The following MRGPRE variants were observed in gnomAD, a reference collection of about 807,000 sequenced individuals.
MRGPRE encodes MAS related GPR family member E.
For missense variants in MRGPRE, 466 were observed against 433.4 expected (o/e 1.08, Z -0.67); for synonymous variants, 229 against 206.7 (o/e 1.11, Z -0.92).
chr11:3,228,927 G>A, intron 1 of MRGPRE, 67 bp from the exon 2 acceptor site: 1 of 746,724 alleles, frequency 1.3e-6, no homozygotes, highest in East Asian at 2.7e-5. Flanking sequence ...CCACATCAGG[G>A]GAGATGAGAG....
rs1238567136 is a variant in MRGPRE at position 3,227,862 on chromosome 11, C to T, written c.938G>A (p.Ter313=). ...AGCTGGGGTCGGGGGCCCCAGGGCT[C>T]AGGCTGCTATGTCCACCAGGCCCCG... The part of the protein sequence containing the change: ...SRRGLVDIAA[*] The change falls in exon 2 of 2, where the codon TGA becomes TAA. Residue 313 remains the stop codon, a stop_retained_variant. Transcript: ENST00000389832. The T allele has an allele frequency of 6.9e-7, 1 of 1,442,836 alleles. No individual in the cohort carries two copies. The highest frequency in any genetic ancestry group is 9.1e-7 in the Non-Finnish European group (1 of 1,097,874). 89.4% of individuals were successfully genotyped at this position (1,442,836 alleles called of 1,614,324 possible).
Position 3,228,057 on chromosome 11 carries a change from T to G in MRGPRE, c.743A>C (p.His248Pro). 1 of 1,608,544 alleles carries G rather than the reference T, an allele frequency of 6.2e-7. No individual in the cohort carries two copies. The highest frequency in any genetic ancestry group is 8.5e-7 in the Non-Finnish European group (1 of 1,177,938). ...GAGGAAGCTGAAGTGGTAGAAGTAG[T>G]GGGGGATGTACCAGAGCAGGTTCCG... ...LSRNLLWYIPHYFYHFSFLMA... is the reference protein window; with the variant it reads ...LSRNLLWYIPPYFYHFSFLMA... Residue 248 changes from histidine (H) to proline (P), a missense_variant, in exon 2 of 2, where the codon CAC becomes CCC. Coordinates refer to ENST00000389832, the MANE Select transcript of MRGPRE (RefSeq NM_001039165.4).
In MRGPRE at chr11:3,226,648, A is replaced by G. The variant is rs1847764539; in HGVS notation, c.*1213T>C. Among the ~76,000 whole-genome samples, 1 of 152,242 alleles carries G rather than the reference A, an allele frequency of 6.6e-6. No homozygotes were observed. The highest frequency in any genetic ancestry group is 2.1e-4 in the South Asian group (1 of 4,832). ...CATGGTCCAGAGGGAATGTCCTTCC[A>G]TCACCAGCCATGGAGGCCGGAGTCA... On this transcript the variant is annotated 3_prime_UTR_variant, in exon 2 of 2. Coordinates refer to ENST00000389832, the MANE Select transcript of MRGPRE (RefSeq NM_001039165.4).
Position 3,228,745 on chromosome 11 carries a change from C to A in MRGPRE, c.55G>T (p.Glu19Ter). 1.2e-6 allele frequency: 2 copies of A among 1,613,378 alleles called. No homozygotes were observed. Among genetic ancestry groups the A allele is most frequent in the Non-Finnish European group, 1.7e-6 (2 of 1,179,712 alleles). Residue 19 changes from glutamate (E) to a stop codon, truncating the protein, a stop_gained, in exon 2 of 2, where the codon GAG becomes TAG. Coordinates refer to ENST00000389832, the MANE Select transcript of MRGPRE (RefSeq NM_001039165.4). LOFTEE classifies it low-confidence loss of function (END_TRUNC). ...ATGATGAGGTTGAAGGCCACATCCTCCTGGGCGCCGTTGGCGGCCCCCACG... is the reference window on the plus strand; with the variant it reads ...ATGATGAGGTTGAAGGCCACATCCTACTGGGCGCCGTTGGCGGCCCCCACG... ...QHVGAANGAQ[E>*]DVAFNLIILS...
rs536050287 is a variant in MRGPRE, at chr11:3,228,955, G to A, written c.-61-95C>T. 4 of 627,174 alleles carry A rather than the reference G, an allele frequency of 6.4e-6. No homozygotes were observed. In the South Asian group the frequency reaches 6.5e-5, roughly 10 times the overall value. The allele number at this position is 627,174 out of a possible 1,614,324, so 38.9% of individuals were successfully genotyped here. A position where few individuals can be genotyped will look rare whatever the true frequency, so the allele number is the denominator to read the frequency against. On this transcript the variant is annotated intron_variant, in intron 1 of 1. Coordinates refer to ENST00000389832, the MANE Select transcript of MRGPRE (RefSeq NM_001039165.4). ...GATGAGAGTTGGGTGGGTGACCAAGGGAATGGTGAGACCCTCCAGGAGAAG... is the reference window on the plus strand; with the variant it reads ...GATGAGAGTTGGGTGGGTGACCAAGAGAATGGTGAGACCCTCCAGGAGAAG...
chr11:3,229,903 T>G lies in MRGPRE; in HGVS notation c.-61-1043A>C, dbSNP rs748935721. ...GGCTGGGAGGGGCCCTGAGCTTCCATGGCGTCTCCAGCCTCCCTCCATCCC... is the reference window on the plus strand; with the variant it reads ...GGCTGGGAGGGGCCCTGAGCTTCCAGGGCGTCTCCAGCCTCCCTCCATCCC... On this transcript the variant is annotated intron_variant, in intron 1 of 1. Coordinates refer to ENST00000389832, the MANE Select transcript of MRGPRE (RefSeq NM_001039165.4). The surrounding 1 kb of genome is among the most constrained non-coding windows in gnomAD (Gnocchi z 4.4). 2.0e-5 allele frequency among the ~76,000 whole-genome samples: 3 copies of G among 152,134 alleles called. No homozygotes were observed. The highest frequency in any genetic ancestry group is 2.9e-5 in the Non-Finnish European group (2 of 67,996).
rs1294972483 is a variant in MRGPRE at position 3,229,834 on chromosome 11, C to T, written c.-61-974G>A. Among the ~76,000 whole-genome samples, 1 of 152,222 alleles carries T rather than the reference C, an allele frequency of 6.6e-6. No individual in the cohort carries two copies. Among genetic ancestry groups the T allele is most frequent in the Non-Finnish European group, 1.5e-5 (1 of 68,036 alleles). ...GAGGCTGCATCCTGCTCAACGTTGC[C>T]CGCCCTTTCCCCATGGGGAGAAGAG... On this transcript the variant is annotated intron_variant, in intron 1 of 1. Transcript: ENST00000389832. This position sits in a 1 kb window ranked among gnomAD's most constrained non-coding sequence, Gnocchi z 4.4.
Position 3,227,554 on chromosome 11 carries a change from A to C in MRGPRE, c.*307T>G. On this transcript the variant is annotated 3_prime_UTR_variant, in exon 2 of 2. Coordinates refer to ENST00000389832, the MANE Select transcript of MRGPRE (RefSeq NM_001039165.4). ...CACTGCAGCTGAGCAGGGAATGGGT[A>C]GCAGCAGCAGCTCTCGAGTGCCAGT... is the stretch of plus-strand genomic sequence containing the variant. 9.2e-6 allele frequency: 3 copies of C among 325,224 alleles called. No homozygotes were observed. Among genetic ancestry groups the C allele is most frequent in the Non-Finnish European group, 1.7e-5 (3 of 178,510 alleles). 20.1% of individuals were successfully genotyped at this position (325,224 alleles called of 1,614,324 possible).
Position 3,228,671 on chromosome 11 carries a change from C to G in MRGPRE, c.129G>C (p.Gly43=). Residue 43 remains glycine (G), a synonymous_variant, in exon 2 of 2, where the codon GGG becomes GGC. Transcript: ENST00000389832. ...GLGLGGLLGN[G]AVLWLLSSNV... ...TGGAGCTGAGCAGCCAGAGGACTGC[C>G]CCATTCCCCAGCAGCCCACCGAGGC... 3 of 1,613,898 alleles carry G rather than the reference C, an allele frequency of 1.9e-6. No individual in the cohort carries two copies. The highest frequency in any genetic ancestry group is 1.7e-5 in the Admixed American group (1 of 60,008).
Position 3,229,285 on chromosome 11 carries a change from G to T in MRGPRE, c.-61-425C>A, listed in dbSNP as rs1041633319. Among the ~76,000 whole-genome samples, 1 of 143,380 alleles carries T rather than the reference G, an allele frequency of 7.0e-6. No homozygotes were observed. The highest frequency in any genetic ancestry group is 1.5e-5 in the Non-Finnish European group (1 of 67,232). The allele number at this position is 143,380 out of a possible 152,430, so 94.1% of individuals were successfully genotyped here. A position where few individuals can be genotyped will look rare whatever the true frequency, so the allele number is the denominator to read the frequency against. On this transcript the variant is annotated intron_variant, in intron 1 of 1. Transcript: ENST00000389832. The surrounding 1 kb of genome is among the most constrained non-coding windows in gnomAD (Gnocchi z 4.4). ...TGTTGCCCCAGGCTAGAGTGCAATG[G>T]CACCATCTCGGCTCACTGCAACCTC...
rs1037290816 is a variant in MRGPRE, at chr11:3,227,014, A to G, written c.*847T>C. On this transcript the variant is annotated 3_prime_UTR_variant, in exon 2 of 2. Coordinates refer to ENST00000389832, the MANE Select transcript of MRGPRE (RefSeq NM_001039165.4). ...AGCTCGGAAACCTGTTGAGGGGTGA[A>G]GCCTGGGTTCCTTCCTCAGAGGGAT... 6.6e-6 allele frequency among the ~76,000 whole-genome samples: 1 copy of G among 152,192 alleles called. No homozygotes were observed. Among genetic ancestry groups the G allele is most frequent in the Admixed American group, 6.5e-5 (1 of 15,288 alleles).
At position 3,225,440 on chromosome 11, in the gene MRGPRE, A is replaced by G. The variant is rs1847748447; in HGVS notation, c.*2421T>C. 6.6e-6 allele frequency among the ~76,000 whole-genome samples: 1 copy of G among 152,198 alleles called. No homozygotes were observed. The highest frequency in any genetic ancestry group is 1.5e-5 in the Non-Finnish European group (1 of 68,024). ...AGGTGGAGGTGGCCTTTGAGCAGTG[A>G]GGCCCCAGGGTCCTGCAGGGTGGGG... On this transcript the variant is annotated 3_prime_UTR_variant, in exon 2 of 2. Coordinates refer to ENST00000389832, the MANE Select transcript of MRGPRE (RefSeq NM_001039165.4).
Position 3,228,305 on chromosome 11 carries a change from G to A in MRGPRE, c.495C>T (p.Phe165=). 1 of 1,555,436 alleles carries A rather than the reference G, an allele frequency of 6.4e-7. No individual in the cohort carries two copies. The highest frequency in any genetic ancestry group is 1.4e-5 in the African/African-American group (1 of 73,580). ...ACAAGTGGCGGCTGGGCTCCCCGAAGAACTGGGTGCAGGCGCCGCTGAGCA... is the reference window on the plus strand; with the variant it reads ...ACAAGTGGCGGCTGGGCTCCCCGAAAAACTGGGTGCAGGCGCCGCTGAGCA... ...HLLLSGACTQ[F]FGEPSRHLCR... is the part of the protein sequence containing the mutation. Residue 165 remains phenylalanine, a synonymous_variant, in exon 2 of 2, where the codon TTC becomes TTT. Coordinates refer to ENST00000389832, the MANE Select transcript of MRGPRE (RefSeq NM_001039165.4).
In MRGPRE at chr11:3,231,231, G is replaced by C. The variant is rs910057938; in HGVS notation, c.-62+910C>G. Among the ~76,000 whole-genome samples, 2 of 152,142 alleles carry C rather than the reference G, an allele frequency of 1.3e-5. No homozygotes were observed. Among genetic ancestry groups the C allele is most frequent in the Non-Finnish European group, 2.9e-5 (2 of 68,024 alleles). On this transcript the variant is annotated intron_variant, in intron 1 of 1. Coordinates refer to ENST00000389832, the MANE Select transcript of MRGPRE (RefSeq NM_001039165.4). This position sits in a 1 kb window ranked among gnomAD's most constrained non-coding sequence, Gnocchi z 4.7. The stretch of plus-strand genomic sequence containing the variant: ...GGGCCTCATGGGTGGGCCCCAGGGA[G>C]AGAGCATGGCAGGGAAGCGATGGAC...
At position 3,225,871 on chromosome 11, in the gene MRGPRE, AG is replaced by A. The variant is rs1847754019; in HGVS notation, c.*1989del. ...CTCCAATCCCCTGGATGCTGAGAGC[AG>A]GCTCTCTGGGAAGAAGTGAGCATTC... On this transcript the variant is annotated 3_prime_UTR_variant, in exon 2 of 2. Coordinates refer to ENST00000389832, the MANE Select transcript of MRGPRE (RefSeq NM_001039165.4). Among the ~76,000 whole-genome samples the A allele has an allele frequency of 6.6e-6, 1 of 152,210 alleles. No individual in the cohort carries two copies. The highest frequency in any genetic ancestry group is 2.4e-5 in the African/African-American group (1 of 41,456).
Position 3,228,429 on chromosome 11 carries a change from G to A in MRGPRE, c.371C>T (p.Ala124Val), listed in dbSNP as rs770550122. 11 of 1,609,862 alleles carry A rather than the reference G, an allele frequency of 6.8e-6. No individual in the cohort carries two copies. Among genetic ancestry groups the A allele is most frequent in the Middle Eastern group, 3.3e-4 (2 of 6,058 alleles). ...LAAVSVEQCL[A>V]ALFPAWYSCR... ...CGAGTACCAGGCTGGGAAGAGGGCG[G>A]CCAGGCACTGCTCCACGCTGACGGC... Residue 124 changes from alanine to valine, a missense_variant, in exon 2 of 2, where the codon GCC (alanine) becomes GTC (valine). By Grantham distance (64) the Ala-to-Val change is moderately conservative. Coordinates refer to ENST00000389832, the MANE Select transcript of MRGPRE (RefSeq NM_001039165.4).
rs1847750661 is a variant in MRGPRE, at chr11:3,225,578, G to C, written c.*2283C>G. 6.6e-6 allele frequency among the ~76,000 whole-genome samples: 1 copy of C among 152,176 alleles called. No homozygotes were observed. The highest frequency in any genetic ancestry group is 2.4e-5 in the African/African-American group (1 of 41,450). The stretch of plus-strand genomic sequence containing the variant: ...GCTGGGCAGGGGCAGGTGGGAGCCT[G>C]GACGGAAGCTCAGCCTCCAGTTTGG... On this transcript the variant is annotated 3_prime_UTR_variant, in exon 2 of 2. Transcript: ENST00000389832.
At position 3,231,539 on chromosome 11, in the gene MRGPRE, G is replaced by A. The variant is rs1269277930; in HGVS notation, c.-62+602C>T. Among the ~76,000 whole-genome samples, 9 of 151,106 alleles carry A rather than the reference G, an allele frequency of 6.0e-5. No homozygotes were observed. The highest frequency in any genetic ancestry group is 1.5e-4 in the African/African-American group (6 of 41,136). Reference sequence around the variant, plus strand: ...GAGTTTGTTGCATCCTTGGTGAGCAGGAGGAAGAGGAGAGGGAGGAGAAGG... The same window carrying A: ...GAGTTTGTTGCATCCTTGGTGAGCAAGAGGAAGAGGAGAGGGAGGAGAAGG... On this transcript the variant is annotated intron_variant, in intron 1 of 1. Coordinates refer to ENST00000389832, the MANE Select transcript of MRGPRE (RefSeq NM_001039165.4). The surrounding 1 kb of genome is among the most constrained non-coding windows in gnomAD (Gnocchi z 4.7).
rs771188452 is a variant in MRGPRE at position 3,227,938 on chromosome 11, G to T, written c.862C>A (p.Arg288=). The change falls in exon 2 of 2, where the codon CGA becomes AGA. Residue 288 remains arginine, a synonymous_variant. Transcript: ENST00000389832. ...AGCTCAGCCTCGTCTCCCAGCGCTC[G>T]CTGGAGGACCAGCCGGAGGGGCAGC... is the stretch of plus-strand genomic sequence containing the variant. ...RRLPLRLVLQ[R]ALGDEAELGA... 5.2e-6 allele frequency: 8 copies of T among 1,536,980 alleles called. No individual in the cohort carries two copies. Among genetic ancestry groups the T allele is most frequent in the South Asian group, 1.2e-5 (1 of 81,938 alleles).
Sources: allele counts gnomAD v4.1 joint callset (sites outside exome capture counted in the v4.1 genomes callset), GRCh38; gene constraint gnomAD v4.1.1; non-coding constraint Gnocchi (gnomAD v3.1); transcripts MANE v1.5; gene names NCBI Gene and HGNC (gene_info 2026-07-23, HGNC 2026-07-21).